Variants in TTC28 observed in about 807,000 individuals in gnomAD.
The protein encoded by TTC28 is tetratricopeptide repeat protein 28.
Under a neutral mutation model 198.0 loss-of-function variants are expected in TTC28, and 61 were observed. That is an observed-to-expected ratio of 0.31 (90% confidence interval 0.25 to 0.38). The LOEUF (loss-of-function observed/expected upper bound fraction) is 0.38, where lower values mean the gene tolerates loss of function less well. Among genes scored for constraint, TTC28 ranks in the 10% least tolerant of loss-of-function variants. The pLI is 1.00. For missense variants in TTC28, 2,678 were observed against 3,164.0 expected, an observed-to-expected ratio of 0.85 and a Z score of 3.69; for synonymous variants, 1,171 against 1,297.8, an observed-to-expected ratio of 0.90 and a Z score of 2.10.
intron 6 of TTC28, among the ~76,000 whole-genome samples, chr22:28,161,355 G>A (rs972021120): frequency 6.6e-6 from 1 of 152,074 alleles, no homozygotes; most frequent in Non-Finnish European, 1.5e-5. Context: ...ACATAACAAG[G>A]CCTCACTGCA....
At chr22:28,148,127 C>T (rs1288686487) in intron 6 of TTC28, among the ~76,000 whole-genome samples, 2 of 152,120 alleles carry the variant, frequency 1.3e-5, no homozygotes, top group Non-Finnish European at 2.9e-5. Context: ...ATTTAGTTAG[C>T]CTGCTAATCA....
chr22:28,427,303 T>C (rs2047364023), intron 2 of TTC28, among the ~76,000 whole-genome samples: 1 of 152,242 alleles, frequency 6.6e-6, no homozygotes, highest in Non-Finnish European at 1.5e-5. Flanking sequence ...CCTATAGTCT[T>C]CTCATTTTAT....
At chr22:28,519,862 T>C (rs2048865835) in intron 2 of TTC28, among the ~76,000 whole-genome samples, 1 of 152,198 alleles carries the variant, frequency 6.6e-6, no homozygotes, top group African/African-American at 2.4e-5. Flanking sequence ...CCCCTTCTCT[T>C]TGGCTGAATA....
chr22:28,630,613 G>A (rs890751427), intron 1 of TTC28, among the ~76,000 whole-genome samples: 1 of 151,968 alleles, frequency 6.6e-6, no homozygotes, highest in South Asian at 2.1e-4. Flanking sequence ...GCTGCACCTG[G>A]CCAAATATTC....
rs545602601 is a variant in TTC28 at position 28,121,970 on chromosome 22, C to T, written c.1442-13567G>A. 9.2e-5 allele frequency among the ~76,000 whole-genome samples: 14 copies of T among 152,228 alleles called. No individual in the cohort carries two copies. In the South Asian group the frequency reaches 2.5e-3, roughly 27 times the overall value. Reference sequence around the variant, plus strand: ...GCAAACTCCGCCTCCCAGGTTCAAGCGATTCTCCTGCCTCAGCCTCCTGAG... The same window carrying T: ...GCAAACTCCGCCTCCCAGGTTCAAGTGATTCTCCTGCCTCAGCCTCCTGAG... On this transcript the variant is annotated intron_variant, in intron 6 of 22. Transcript: ENST00000397906.
At chr22:28,471,637 A>G (rs1195664347) in intron 2 of TTC28, among the ~76,000 whole-genome samples, 1 of 152,196 alleles carries the variant, frequency 6.6e-6, no homozygotes, top group African/African-American at 2.4e-5. Context: ...AATGCTCGTC[A>G]CTAATTACAA....
At chr22:28,676,129 G>C (rs2051985547) in intron 1 of TTC28, among the ~76,000 whole-genome samples, 1 of 152,110 alleles carries the variant, frequency 6.6e-6, no homozygotes, top group African/African-American at 2.4e-5. Context: ...CCTATCAACA[G>C]AGGAACTGAT....
chr22:28,410,649 T>C (rs567335920), intron 2 of TTC28, among the ~76,000 whole-genome samples: 7 of 152,248 alleles, frequency 4.6e-5, no homozygotes, highest in Non-Finnish European at 7.4e-5. Flanking sequence ...AAAGGGGGAA[T>C]AGCCAAGTAG....
chr22:28,647,565 C>T (rs1436859106), intron 1 of TTC28, among the ~76,000 whole-genome samples: 1 of 152,128 alleles, frequency 6.6e-6, no homozygotes, highest in Middle Eastern at 3.2e-3. Context: ...ATGGGCCAGG[C>T]GTGGTGGCTC....
At chr22:28,602,016 A>T (rs949153235) in intron 2 of TTC28, among the ~76,000 whole-genome samples, 2 of 152,236 alleles carry the variant, frequency 1.3e-5, no homozygotes, top group Non-Finnish European at 2.9e-5. Context: ...AGGGAAACAA[A>T]GCAAGGGATG....
intron 5 of TTC28, among the ~76,000 whole-genome samples, chr22:28,276,757 G>GT (rs1191769702): frequency 3.3e-5 from 5 of 152,144 alleles, no homozygotes; most frequent in African/African-American, 7.2e-5. Flanking sequence ...ACTAGATTAA[G>GT]TGTCAGACTG....
chr22:28,021,946 G>A (rs575848676), intron 13 of TTC28, among the ~76,000 whole-genome samples: 14 of 152,318 alleles, frequency 9.2e-5, no homozygotes, highest in African/African-American at 2.6e-4. Context: ...GTGGGCCCCC[G>A]CCATCTTCTG....
chr22:28,110,652 G>A (rs1238315518), intron 6 of TTC28, among the ~76,000 whole-genome samples: 3 of 152,112 alleles, frequency 2.0e-5, no homozygotes, highest in African/African-American at 4.8e-5. Flanking sequence ...AAAATGGTGA[G>A]GGGCTGGGTG....
At chr22:28,410,550 G>C (rs533904940) in intron 2 of TTC28, among the ~76,000 whole-genome samples, 1 of 152,336 alleles carries the variant, frequency 6.6e-6, no homozygotes, top group Non-Finnish European at 1.5e-5. Flanking sequence ...GTATTCGTGT[G>C]AGAGAGAAGA....
chr22:27,987,938 G>T (rs1037457776), intron 21 of TTC28, among the ~76,000 whole-genome samples: 1 of 152,130 alleles, frequency 6.6e-6, no homozygotes, highest in Non-Finnish European at 1.5e-5. Context: ...TGTAGGCCAG[G>T]AGCAGTGGCT....
intron 2 of TTC28, among the ~76,000 whole-genome samples, chr22:28,609,663 C>A (rs917704379): frequency 3.9e-5 from 6 of 152,166 alleles, no homozygotes; most frequent in African/African-American, 1.2e-4. Flanking sequence ...GGACAGACAC[C>A]GAGCTAGCTG....
intron 6 of TTC28, among the ~76,000 whole-genome samples, chr22:28,153,893 C>T: frequency 6.6e-6 from 1 of 152,268 alleles, no homozygotes; most frequent in South Asian, 2.1e-4. Flanking sequence ...TTCTACCTCT[C>T]GTATTTGACC....
At chr22:28,627,435 C>CTTT (rs113850616) in intron 2 of TTC28, among the ~76,000 whole-genome samples, 1 of 138,350 alleles carries the variant, frequency 7.2e-6, no homozygotes, top group Admixed American at 7.3e-5. Context: ...TTTTCTTTTT[C>CTTT]TTTTTTTTTT....
chr22:28,113,939 C>T (rs550534335), intron 6 of TTC28, among the ~76,000 whole-genome samples: 33 of 152,304 alleles, frequency 2.2e-4, no homozygotes, highest in African/African-American at 7.7e-4. Context: ...TAAGTCCTGA[C>T]GTGGATGTTT....
Sources: gnomAD v4.1 joint callset for allele counts (sites outside exome capture counted in the v4.1 genomes callset) on GRCh38, gnomAD v4.1.1 for gene constraint, MANE v1.5 for transcripts, NCBI Gene and HGNC (gene_info 2026-07-23, HGNC 2026-07-21) for gene names.